Variants in ETHE1 observed in about 807,000 individuals in gnomAD.
ETHE1 encodes the protein ETHE1 persulfide dioxygenase.
A neutral mutation model predicts 25.7 loss-of-function variants in ETHE1; 16 were observed. That is an observed-to-expected ratio of 0.62 (90% CI 0.42 to 0.95). The LOEUF is 0.95. Among genes scored for constraint, ETHE1 ranks in the 40% least tolerant of loss-of-function variants. The pLI, the probability that ETHE1 is intolerant of heterozygous loss-of-function variation, is 0.00. For missense variants in ETHE1, 300 were observed against 333.6 expected (o/e 0.90, Z 0.79); for synonymous variants, 139 against 135.9 (o/e 1.02, Z -0.16).
intron 3 of ETHE1, among the ~76,000 whole-genome samples, chr19:43,513,382 G>A (rs761392534): frequency 4.6e-5 from 7 of 152,034 alleles, no homozygotes; most frequent in Non-Finnish European, 7.4e-5. Flanking sequence ...ACACCAGCCC[G>A]TGAAAGCAGC....
chr19:43,518,726 G>A (rs1042623632), intron 3 of ETHE1, among the ~76,000 whole-genome samples: 1 of 141,384 alleles, frequency 7.1e-6, no homozygotes, highest in Non-Finnish European at 1.5e-5. Context: ...ACTCCAGCCT[G>A]GGCGACAGAG....
In ETHE1 at chr19:43,506,812, G is replaced by A. The variant is rs1055439270; in HGVS notation, c.*38C>T. 4.4e-6 allele frequency: 7 copies of A among 1,575,152 alleles called. No individual in the cohort carries two copies. The highest frequency in any genetic ancestry group is 2.7e-5 in the African/African-American group (2 of 74,156). ...TTGCCGCCCTCTCCTCCCACCTAGT[G>A]CATTAATAGTGGATGGGAGCATCTG... On this transcript the variant is annotated 3_prime_UTR_variant, in exon 7 of 7. Transcript: ENST00000292147.
Position 43,527,093 on chromosome 19 carries a change from G to T in ETHE1, c.81+4C>A. On this transcript the variant is annotated splice_donor_region_variant and intron_variant, in intron 1 of 6. Coordinates refer to ENST00000292147, the MANE Select transcript of ETHE1 (RefSeq NM_014297.5). ...AGTCCCCTCCTAGGTCCAGCCACCC[G>T]CACCTGCCGCAGGAGGATGGGGGCT... The T allele has an allele frequency of 6.4e-7, 1 of 1,551,420 alleles. No individual in the cohort carries two copies. Among genetic ancestry groups the T allele is most frequent in the Non-Finnish European group, 8.7e-7 (1 of 1,151,296 alleles).
intron 2 of ETHE1, 55 bp downstream of exon 2, chr19:43,526,460 A>G: frequency 6.2e-7 from 1 of 1,602,630 alleles, no homozygotes; most frequent in Non-Finnish European, 8.5e-7. Flanking sequence ...TTCCCATTCC[A>G]CTGACGCTGC....
chr19:43,506,851 C>G lies in ETHE1; in HGVS notation c.764G>C (p.Ter255SerextTer22). 6.2e-7 allele frequency: 1 copy of G among 1,613,504 alleles called. No individual in the cohort carries two copies. The highest frequency in any genetic ancestry group is 1.1e-5 in the South Asian group (1 of 91,032). The change falls in exon 7 of 7, where the codon TGA (stop) becomes TCA (serine). Residue 255 changes from the stop codon to serine, a stop_lost. Coordinates refer to ENST00000292147, the MANE Select transcript of ETHE1 (RefSeq NM_014297.5). ...TGGGAGCATCTGACAGAAGTGAGAT[C>G]AGGCAGTGGGTGTCTGCACCCCACA... ...MRCGVQTPTA[*>S]
chr19:43,522,638 C>T (rs57686229), intron 3 of ETHE1, among the ~76,000 whole-genome samples: 8,494 of 152,118 alleles, frequency 0.056, 399 homozygotes, highest in Admixed American at 0.13. Flanking sequence ...CACCCCACCA[C>T]GCCCAGCTTA....
intron 3 of ETHE1, among the ~76,000 whole-genome samples, chr19:43,523,132 C>T (rs1023995280): frequency 4.6e-5 from 7 of 152,074 alleles, no homozygotes; most frequent in African/African-American, 1.4e-4. Context: ...CTTAGGAGGG[C>T]GGTCATTGGC....
intron 6 of ETHE1, among the ~76,000 whole-genome samples, chr19:43,507,231 G>T (rs1462579993): frequency 9.9e-6 from 1 of 100,630 alleles, no homozygotes; most frequent in Non-Finnish European, 2.0e-5. Flanking sequence ...AGACCCAGGA[G>T]TCCAGTCCCC....
At chr19:43,511,661 G>T in intron 3 of ETHE1, 95 bp from the exon 4 acceptor site, 1 of 1,401,424 alleles carries the variant, frequency 7.1e-7, no homozygotes. Flanking sequence ...GTCTTATCTA[G>T]ATAAACATTT....
rs1568491945 is a variant in ETHE1, at chr19:43,508,812, TG to T, written c.557del (p.Pro186GlnfsTer5). ...HSVHEKIFTL[P>X]GDCLIYPAHD... The stretch of plus-strand genomic sequence containing the variant: ...GAGCAGGGTAGATCAGACAGTCTCC[TG>T]GAAGTGTGAAGATCTTTTCATGGAC... On this transcript the variant is annotated frameshift_variant, in exon 5 of 7. Coordinates refer to ENST00000292147, the MANE Select transcript of ETHE1 (RefSeq NM_014297.5). LOFTEE classifies it high-confidence loss of function. 1 of 1,608,844 alleles carries T rather than the reference TG, an allele frequency of 6.2e-7. No homozygotes were observed.
intron 3 of ETHE1, among the ~76,000 whole-genome samples, chr19:43,522,179 T>C (rs2146008560): frequency 6.6e-6 from 1 of 152,298 alleles, no homozygotes; most frequent in South Asian, 2.1e-4. Flanking sequence ...CCCAACACTT[T>C]GGGAGGCCGA....
At chr19:43,513,322 A>G (rs901162410) in intron 3 of ETHE1, among the ~76,000 whole-genome samples, 1 of 151,438 alleles carries the variant, frequency 6.6e-6, no homozygotes, top group East Asian at 2.0e-4. Flanking sequence ...CCAGAGTGTT[A>G]GATCCACCGA....
intron 3 of ETHE1, among the ~76,000 whole-genome samples, chr19:43,511,850 C>T (rs1370633691): frequency 6.6e-6 from 1 of 152,130 alleles, no homozygotes; most frequent in Non-Finnish European, 1.5e-5. Context: ...TGTCCCCACC[C>T]AAATCTCATC....
intron 2 of ETHE1, 44 bp downstream of exon 2, chr19:43,526,471 A>C: frequency 6.2e-6 from 10 of 1,605,890 alleles, no homozygotes; most frequent in Non-Finnish European, 8.5e-6. Context: ...CTGACGCTGC[A>C]GCCCAGCCCC....
intron 6 of ETHE1, 37 bp from the exon 7 acceptor site, chr19:43,506,939 T>A: frequency 6.2e-7 from 1 of 1,609,056 alleles, no homozygotes; most frequent in Non-Finnish European, 8.5e-7. Context: ...CTAAGGGGCC[T>A]AGGTAGAGTT....
chr19:43,524,227 A>T (rs1420282576), intron 3 of ETHE1, among the ~76,000 whole-genome samples: 2 of 151,950 alleles, frequency 1.3e-5, no homozygotes, highest in South Asian at 4.2e-4. Flanking sequence ...AATAAATAAA[A>T]CAAAAAAATT....
Position 43,515,341 on chromosome 19 carries a change from C to T in ETHE1, c.376-3775G>A, listed in dbSNP as rs531266286. Among the ~76,000 whole-genome samples the T allele has an allele frequency of 5.1e-4, 76 of 149,730 alleles. 2 individuals are homozygous for T. Among genetic ancestry groups the T allele is most frequent in the African/African-American group, 1.7e-3 (69 of 40,796 alleles). The stretch of plus-strand genomic sequence containing the variant: ...ATGAGGCAGGAGAATTGCTTTAACC[C>T]GGGAGGCGGAGGTTGCAGTGAGCCA... On this transcript the variant is annotated intron_variant, in intron 3 of 6. Coordinates refer to ENST00000292147, the MANE Select transcript of ETHE1 (RefSeq NM_014297.5).
chr19:43,525,567 G>C (rs902278677), intron 3 of ETHE1: 1 of 153,416 alleles, frequency 6.5e-6, no homozygotes, highest in African/African-American at 2.4e-5. Flanking sequence ...ATTCTGGCCG[G>C]AAACCCGCTG....
intron 3 of ETHE1, among the ~76,000 whole-genome samples, chr19:43,522,134 A>G (rs1467254973): frequency 6.6e-6 from 1 of 152,194 alleles, no homozygotes; most frequent in Non-Finnish European, 1.5e-5. Flanking sequence ...TATCAAAGTA[A>G]CATGTAAAAA....
Sources: allele counts gnomAD v4.1 joint callset (sites outside exome capture counted in the v4.1 genomes callset), GRCh38; gene constraint gnomAD v4.1.1; transcripts MANE v1.5; gene names NCBI Gene and HGNC (gene_info 2026-07-23, HGNC 2026-07-21).